Variants in IL4R observed in about 807,000 individuals in gnomAD.
IL4R encodes the protein interleukin 4 receptor, also known as interleukin-4 receptor subunit alpha.
Under a neutral mutation model 41.5 loss-of-function variants are expected in IL4R, and 17 were observed. The ratio of observed to expected loss-of-function variants is 0.41; its 90% CI spans 0.28 to 0.61. The LOEUF (loss-of-function observed/expected upper bound fraction) is 0.61, where lower values mean the gene tolerates loss of function less well. Ranked by LOEUF, IL4R falls within the 20% of genes least tolerant of loss-of-function variation. IL4R has a pLI of 0.31. For synonymous variants in IL4R, 402 were observed against 422.9 expected, an observed-to-expected ratio of 0.95 and a Z score of 0.61; for missense variants, 974 against 1,043.1, an observed-to-expected ratio of 0.93 and a Z score of 0.91.
intron 1 of IL4R, among the ~76,000 whole-genome samples, chr16:27,316,498 C>T (rs948593867): frequency 2.6e-5 from 4 of 152,214 alleles, no homozygotes; most frequent in Non-Finnish European, 5.9e-5. Flanking sequence ...CCCCACCTCT[C>T]GACTGCCCTC....
chr16:27,355,109 C>G (rs931414723), intron 7 of IL4R: 1 of 415,932 alleles, frequency 2.4e-6, no homozygotes, highest in Non-Finnish European at 5.2e-6. Flanking sequence ...AATCCCCACT[C>G]TTGTGGAGCT....
intron 2 of IL4R, among the ~76,000 whole-genome samples, chr16:27,337,847 C>T (rs3785356): frequency 0.26 from 39,106 of 151,370 alleles, 5,459 homozygotes; most frequent in East Asian, 0.37. Flanking sequence ...CCACCACGCC[C>T]GGCCCCAGTA....
intron 1 of IL4R, among the ~76,000 whole-genome samples, chr16:27,328,980 C>G (rs2085038603): frequency 6.6e-6 from 1 of 152,116 alleles, no homozygotes; most frequent in Admixed American, 6.6e-5. Context: ...ATGTCATCCT[C>G]TCTAAATCTC....
In IL4R at chr16:27,329,250, G is replaced by T. The variant is rs56396304; in HGVS notation, c.-151-816G>T. ...GAAGCCAAGTAGATACGGGTGCTAT[G>T]CTTCCTGTACAGCCTGCAGAGCCAT... On this transcript the variant is annotated intron_variant, in intron 1 of 10. Transcript: ENST00000395762. Among the ~76,000 whole-genome samples, 353 of 152,178 alleles carry T rather than the reference G, an allele frequency of 2.3e-3. 1 individual carries two copies. The highest frequency in any genetic ancestry group is 4.1e-3 in the Non-Finnish European group (276 of 68,000).
intron 4 of IL4R, among the ~76,000 whole-genome samples, chr16:27,343,333 GT>G (rs1246057336): frequency 6.6e-6 from 1 of 152,222 alleles, no homozygotes; most frequent in African/African-American, 2.4e-5. Context: ...CCCACTGCTT[GT>G]TTTTGTAAAT....
At chr16:27,331,297 T>C (rs1453631008) in intron 2 of IL4R, among the ~76,000 whole-genome samples, 1 of 152,126 alleles carries the variant, frequency 6.6e-6, no homozygotes, top group Non-Finnish European at 1.5e-5. Context: ...AGACAGATAG[T>C]AGTTAAGAAC....
At chr16:27,313,933 C>G (rs992510503), upstream of IL4R, 1 of 984,450 alleles carries the variant, frequency 1.0e-6, no homozygotes, top group Non-Finnish European at 1.2e-6. Context: ...AGGAAAGCCC[C>G]GCGCGGCGCG....
At chr16:27,328,813 T>A (rs1596773288) in intron 1 of IL4R, among the ~76,000 whole-genome samples, 1 of 152,322 alleles carries the variant, frequency 6.6e-6, no homozygotes, top group East Asian at 1.9e-4. Flanking sequence ...GATGGAGGAA[T>A]ATGTCTTTTG....
chr16:27,363,500 T>TA lies in IL4R; in HGVS notation c.2149dup (p.Thr717AsnfsTer74), dbSNP rs1405860517. 1 of 1,614,042 alleles carries TA rather than the reference T, an allele frequency of 6.2e-7. No homozygotes were observed. The highest frequency in any genetic ancestry group is 8.5e-7 in the Non-Finnish European group (1 of 1,180,012). Reference sequence around the variant, plus strand: ...GCAGTGGCATTGTCTACTCAGCCCTTACCTGCCACCTGTGCGGCCACCTGA... The same window carrying TA: ...GCAGTGGCATTGTCTACTCAGCCCTTAACCTGCCACCTGTGCGGCCACCTGA... On this transcript the variant is annotated frameshift_variant, in exon 11 of 11. Transcript: ENST00000395762. LOFTEE classifies it low-confidence loss of function (END_TRUNC).
chr16:27,320,157 G>T (rs962837345), intron 1 of IL4R, among the ~76,000 whole-genome samples: 1 of 152,176 alleles, frequency 6.6e-6, no homozygotes, highest in South Asian at 2.1e-4. Flanking sequence ...ATGAGCCACT[G>T]CACGCGGCCC....
intron 1 of IL4R, among the ~76,000 whole-genome samples, chr16:27,323,482 G>T (rs918694517): frequency 6.6e-6 from 1 of 152,188 alleles, no homozygotes; most frequent in Admixed American, 6.5e-5. Context: ...GCACTCCAGA[G>T]CCAAAGGCCT....
In IL4R at chr16:27,363,416, C is replaced by T. The variant is rs768261668; in HGVS notation, c.2064C>T (p.Asp688=). The T allele has an allele frequency of 7.4e-6, 12 of 1,614,158 alleles. 1 individual carries two copies. In the South Asian group the frequency reaches 1.3e-4, roughly 18 times the overall value. ...TGGAGCCGGGGGAAAAGGTAGAGGA[C>T]ATGCCAAAGCCCCCACTTCCCCAGG... The part of the protein sequence containing the change: ...LGLEPGEKVE[D]MPKPPLPQEQ... The change falls in exon 11 of 11, where the codon GAC becomes GAT. Residue 688 remains aspartate, a synonymous_variant. Coordinates refer to ENST00000395762, the MANE Select transcript of IL4R (RefSeq NM_000418.4).
chr16:27,362,091 A>C (rs1191773083), intron 10 of IL4R, among the ~76,000 whole-genome samples, 161 bp from the exon 11 acceptor site: 7 of 152,182 alleles, frequency 4.6e-5, no homozygotes, highest in Non-Finnish European at 1.0e-4. Context: ...GGGATTTCTC[A>C]TTCTAGCAAC....
chr16:27,358,173 C>T (rs1405421200), intron 8 of IL4R, among the ~76,000 whole-genome samples: 3 of 152,204 alleles, frequency 2.0e-5, no homozygotes, highest in Non-Finnish European at 4.4e-5. Context: ...GGATTACAGG[C>T]GTGAGCCACC....
At chr16:27,352,475 C>T in intron 6 of IL4R, 65 bp from the exon 7 acceptor site, 1 of 1,435,416 alleles carries the variant, frequency 7.0e-7, no homozygotes. Flanking sequence ...ACGACAGCAA[C>T]CAGGGTGGGC....
intron 8 of IL4R, among the ~76,000 whole-genome samples, chr16:27,357,310 C>T (rs1255718169): frequency 6.6e-6 from 1 of 152,174 alleles, no homozygotes; most frequent in Non-Finnish European, 1.5e-5. Flanking sequence ...GACAGGGTCT[C>T]ACTCTGTTAG....
intron 1 of IL4R, among the ~76,000 whole-genome samples, chr16:27,329,676 C>CAAAA (rs11327523): frequency 8.5e-6 from 1 of 118,146 alleles, no homozygotes; most frequent in Non-Finnish European, 1.8e-5. Context: ...ACCTCCGTCT[C>CAAAA]AAAAAAAAAA....
In IL4R at chr16:27,363,847, T is replaced by C; in HGVS notation, c.*17T>C. The C allele has an allele frequency of 6.3e-7, 1 of 1,590,082 alleles. No individual in the cohort carries two copies. The highest frequency in any genetic ancestry group is 8.5e-7 in the Non-Finnish European group (1 of 1,174,032). On this transcript the variant is annotated 3_prime_UTR_variant, in exon 11 of 11. Coordinates refer to ENST00000395762, the MANE Select transcript of IL4R (RefSeq NM_000418.4). ...GTCTCTTAGGTGCATGTCCTCTTGTTGCTGAGTCTGCAGATGAGGACTAGG... is the reference window on the plus strand; with the variant it reads ...GTCTCTTAGGTGCATGTCCTCTTGTCGCTGAGTCTGCAGATGAGGACTAGG...
chr16:27,363,393 G>C lies in IL4R; in HGVS notation c.2041G>C (p.Glu681Gln), dbSNP rs1481353903. Residue 681 changes from glutamate to glutamine, a missense_variant, in exon 11 of 11, where the codon GAG (glutamate) becomes CAG (glutamine). Physicochemically the swap from Glu to Gln is conservative, Grantham distance 29. Coordinates refer to ENST00000395762, the MANE Select transcript of IL4R (RefSeq NM_000418.4). ...CAGCTCCCCAGAGCACCTGGGTCTG[G>C]AGCCGGGGGAAAAGGTAGAGGACAT... ...PSSSPEHLGL[E>Q]PGEKVEDMPK... is the part of the protein sequence containing the mutation. The C allele has an allele frequency of 6.2e-7, 1 of 1,614,128 alleles. No individual in the cohort carries two copies. The highest frequency in any genetic ancestry group is 1.1e-5 in the South Asian group (1 of 91,084).
Sources: gnomAD v4.1 joint callset for allele counts (sites outside exome capture counted in the v4.1 genomes callset) on GRCh38, gnomAD v4.1.1 for gene constraint, MANE v1.5 for transcripts, NCBI Gene and HGNC (gene_info 2026-07-23, HGNC 2026-07-21) for gene names.